The following MYO9A variants were observed in gnomAD, a reference collection of about 807,000 sequenced individuals.
The protein encoded by MYO9A is myosin IXA, also known as unconventional myosin-IXa.
Under a neutral mutation model 293.3 loss-of-function variants are expected in MYO9A, and 103 were observed. The observed-to-expected ratio is 0.35, with a 90% CI of 0.30 to 0.41. The LOEUF (loss-of-function observed/expected upper bound fraction) is 0.41. Among genes scored for constraint, MYO9A ranks in the 10% least tolerant of loss-of-function variants. The pLI is 1.00. For missense variants in MYO9A, 2,685 were observed against 3,033.0 expected (o/e 0.89, Z 2.69); for synonymous variants, 1,001 against 1,035.7 (o/e 0.97, Z 0.64).
intron 25 of MYO9A, among the ~76,000 whole-genome samples, chr15:71,895,788 G>C (rs1008864737): frequency 1.3e-5 from 2 of 151,756 alleles, no homozygotes; most frequent in African/African-American, 4.8e-5. Context: ...TATGTATCTT[G>C]GAAAAATAAG....
intron 2 of MYO9A, 127 bp downstream of exon 2, chr15:72,045,597 C>T: frequency 9.2e-7 from 1 of 1,084,128 alleles, no homozygotes; most frequent in South Asian, 1.9e-5. Flanking sequence ...GGAGATGGAA[C>T]AGTATCTTGC....
chr15:72,097,368 G>A (rs2080097182), intron 1 of MYO9A, among the ~76,000 whole-genome samples: 1 of 152,180 alleles, frequency 6.6e-6, no homozygotes, highest in East Asian at 1.9e-4. Context: ...AGGCTCAGAT[G>A]ACCGATGACC....
At chr15:72,030,897 C>G (rs988420910) in intron 3 of MYO9A, among the ~76,000 whole-genome samples, 3 of 152,144 alleles carry the variant, frequency 2.0e-5, no homozygotes, top group Non-Finnish European at 4.4e-5. Flanking sequence ...CCCCAACCCC[C>G]AGGGCATGGA....
chr15:72,038,732 T>C (rs546531211), intron 2 of MYO9A, among the ~76,000 whole-genome samples: 1 of 152,214 alleles, frequency 6.6e-6, no homozygotes. Flanking sequence ...TGCCCATCAC[T>C]GTACAATCAA....
At chr15:72,028,258 C>T (rs960515173) in intron 3 of MYO9A, among the ~76,000 whole-genome samples, 3 of 139,752 alleles carry the variant, frequency 2.1e-5, no homozygotes, top group African/African-American at 7.9e-5. Context: ...TATGTACATA[C>T]TATTATAATT....
intron 23 of MYO9A, 94 bp downstream of exon 23, chr15:71,901,097 T>C: frequency 7.5e-7 from 1 of 1,339,446 alleles, no homozygotes; most frequent in Admixed American, 2.6e-5. Context: ...GTTCACATTA[T>C]TACTGAAAAT....
At chr15:71,994,235 T>A (rs973514044) in intron 10 of MYO9A, among the ~76,000 whole-genome samples, 3 of 152,248 alleles carry the variant, frequency 2.0e-5, no homozygotes, top group Admixed American at 2.0e-4. Context: ...CATGATTCTA[T>A]TTACATTTTT....
In MYO9A at chr15:71,883,642, G is replaced by A. The variant is rs111274636; in HGVS notation, c.5350C>T (p.Pro1784Ser). The A allele has an allele frequency of 1.7e-5, 28 of 1,613,416 alleles. No homozygotes were observed. The highest frequency in any genetic ancestry group is 1.6e-4 in the African/African-American group (12 of 74,846). The change falls in exon 28 of 42, where the codon CCA becomes TCA. Residue 1784 changes from proline to serine, a missense_variant. This residue lies in a region of MYO9A where 1,434 missense variants were observed against 1,497.7 expected (regional missense o/e 0.96). Transcript: ENST00000356056. The part of the protein sequence containing the change: ...VKPTTQSEVS[P>S]LFAGTDVIPA... ...ATCACATCTGTGCCTGCAAAGAGTG[G>A]CGAAACCTCTGACTGGGTAGTAGGT...
chr15:71,837,821 G>A (rs1479690163), intron 39 of MYO9A, among the ~76,000 whole-genome samples: 1 of 152,074 alleles, frequency 6.6e-6, no homozygotes, highest in Non-Finnish European at 1.5e-5. Flanking sequence ...CAGTACATAA[G>A]GTTGTATACC....
chr15:72,035,998 A>G (rs2078035746), intron 2 of MYO9A, among the ~76,000 whole-genome samples: 1 of 150,760 alleles, frequency 6.6e-6, no homozygotes, highest in African/African-American at 2.5e-5. Flanking sequence ...AATTCATAGA[A>G]TTTTATAATA....
At position 71,956,864 on chromosome 15, in the gene MYO9A, T is replaced by A. The variant is rs200835429; in HGVS notation, c.2182+3037A>T. Among the ~76,000 whole-genome samples, 82 of 30,066 alleles carry A rather than the reference T, an allele frequency of 2.7e-3. 1 individual carries two copies. The highest frequency in any genetic ancestry group is 1.0e-2 in the East Asian group (19 of 1,902). 19.7% of individuals were successfully genotyped at this position (30,066 alleles called of 152,430 possible). A position where few individuals can be genotyped will look rare whatever the true frequency, so the allele number is the denominator to read the frequency against. ...ACACACACACACACACACACAAATA[T>A]ATATATATATATATATATATCTTAA... On this transcript the variant is annotated intron_variant, in intron 14 of 41. Transcript: ENST00000356056.
At chr15:71,956,783 T>G (rs924706280) in intron 14 of MYO9A, among the ~76,000 whole-genome samples, 1 of 150,140 alleles carries the variant, frequency 6.7e-6, no homozygotes, top group Non-Finnish European at 1.5e-5. Context: ...GCATGTATGC[T>G]ATATATGTAT....
chr15:71,830,717 A>T (rs1297263331), intron 39 of MYO9A, among the ~76,000 whole-genome samples: 1 of 151,764 alleles, frequency 6.6e-6, no homozygotes, highest in African/African-American at 2.4e-5. Context: ...GTAGCTTGTG[A>T]CCCCCACACT....
intron 1 of MYO9A, among the ~76,000 whole-genome samples, chr15:72,076,946 G>A (rs933879331): frequency 6.6e-6 from 1 of 151,342 alleles, no homozygotes; most frequent in African/African-American, 2.4e-5. Flanking sequence ...CCTGATCTTT[G>A]ACAATGAAAC....
chr15:71,960,198 A>G, intron 13 of MYO9A, 102 bp from the exon 14 acceptor site: 1 of 1,012,436 alleles, frequency 9.9e-7, no homozygotes, highest in Non-Finnish European at 1.5e-6. Flanking sequence ...TCCAAACCTC[A>G]TATTGAAATG....
At chr15:72,037,880 G>C (rs2149524268) in intron 2 of MYO9A, among the ~76,000 whole-genome samples, 1 of 151,060 alleles carries the variant, frequency 6.6e-6, no homozygotes, top group South Asian at 2.1e-4. Flanking sequence ...ATAATGCCCA[G>C]ATGCTGGACT....
chr15:72,024,461 A>G (rs879445827), intron 4 of MYO9A, among the ~76,000 whole-genome samples: 1 of 152,066 alleles, frequency 6.6e-6, no homozygotes, highest in Non-Finnish European at 1.5e-5. Flanking sequence ...TTGTAGAGAT[A>G]AGGTTTTGCC....
At position 71,971,347 on chromosome 15, in the gene MYO9A, G is replaced by T. The variant is rs116918115; in HGVS notation, c.1845-3222C>A. Among the ~76,000 whole-genome samples the T allele has an allele frequency of 4.6e-5, 7 of 152,100 alleles. No homozygotes were observed. In the East Asian group the frequency reaches 1.4e-3, roughly 29 times the overall value. On this transcript the variant is annotated intron_variant, in intron 12 of 41. Coordinates refer to ENST00000356056, the MANE Select transcript of MYO9A (RefSeq NM_006901.4). ...CATATGTAATCCCAGCACTTTGGGA[G>T]GCTAAGGTAGGAGGACAGCTTGAGC...
Position 72,118,124 on chromosome 15 carries a change from C to G in MYO9A, c.-516G>C, listed in dbSNP as rs1002341971. On this transcript the variant is annotated 5_prime_UTR_variant, in exon 1 of 42. Coordinates refer to ENST00000356056, the MANE Select transcript of MYO9A (RefSeq NM_006901.4). ...CGCGGCCCCGCCCCGCGCGACTCCC[C>G]GGCTGCAGGCGAGCAGGCGCGCGCG... 7.8e-6 allele frequency: 3 copies of G among 383,230 alleles called. No homozygotes were observed. The highest frequency in any genetic ancestry group is 2.1e-5 in the African/African-American group (1 of 47,886). The allele number at this position is 383,230 out of a possible 1,614,324, so 23.7% of individuals were successfully genotyped here.
Sources: gnomAD v4.1 joint callset for allele counts (sites outside exome capture counted in the v4.1 genomes callset) on GRCh38, gnomAD v4.1.1 for gene constraint, gnomAD v4.1.1 regional missense constraint, MANE v1.5 for transcripts, NCBI Gene and HGNC (gene_info 2026-07-23, HGNC 2026-07-21) for gene names.